The following SLCO2B1 variants were observed in gnomAD, a reference collection of about 807,000 sequenced individuals.
SLCO2B1 encodes the protein OATP-RP2.
Under a neutral mutation model 67.3 loss-of-function variants are expected in SLCO2B1, and 41 were observed. The ratio of observed to expected loss-of-function variants is 0.61; its 90% CI spans 0.47 to 0.79. The LOEUF (loss-of-function observed/expected upper bound fraction) is 0.79, where lower values mean the gene tolerates loss of function less well. Among genes scored for constraint, SLCO2B1 ranks in the 30% least tolerant of loss-of-function variants. The pLI is 0.00. For synonymous variants in SLCO2B1, 379 were observed against 381.4 expected, an observed-to-expected ratio of 0.99 and a Z score of 0.07; for missense variants, 837 against 920.1, an observed-to-expected ratio of 0.91 and a Z score of 1.17.
intron 6 of SLCO2B1, 192 bp downstream of exon 6, chr11:75,169,956 G>A (rs1383430109): frequency 5.2e-6 from 3 of 576,966 alleles, no homozygotes; most frequent in Non-Finnish European, 9.3e-6. Flanking sequence ...CTAAAGCTGT[G>A]ATCAGAGTCC....
Position 75,188,254 on chromosome 11 carries a change from C to G in SLCO2B1, c.1075+16C>G. ...TTCATTAAAGGTAAGTCAGCTCAGA[C>G]CAGGTTATGGGGAGCCAGGGCCAGA... On this transcript the variant is annotated intron_variant, in intron 8 of 13. Coordinates refer to ENST00000289575, the MANE Select transcript of SLCO2B1 (RefSeq NM_007256.5). 1 of 1,578,994 alleles carries G rather than the reference C, an allele frequency of 6.3e-7. No homozygotes were observed. Among genetic ancestry groups the G allele is most frequent in the East Asian group, 2.2e-5 (1 of 44,718 alleles).
chr11:75,203,198 C>T, intron 12 of SLCO2B1, 109 bp from the exon 13 acceptor site: 2 of 1,474,858 alleles, frequency 1.4e-6, no homozygotes, highest in Non-Finnish European at 1.8e-6. Context: ...GAGGGCCAGA[C>T]AGCCAAGAGG....
chr11:75,162,655 G>C lies in SLCO2B1; in HGVS notation c.17G>C (p.Gly6Ala), dbSNP rs151095859. The stretch of plus-strand genomic sequence containing the variant: ...CTTTCCCTGGTTTTCTGTCCCTCAG[G>C]GCCAGCGGGTGAGGTACCCCAGGTA... Reference protein sequence around the residue: MGPRIGPAGEVPQVPD... With the variant: MGPRIAPAGEVPQVPD... Residue 6 changes from glycine to alanine, a missense_variant and splice_region_variant, in exon 2 of 14, where the codon GGG becomes GCG. Physicochemically the swap from Gly to Ala is moderately conservative, Grantham distance 60. Coordinates refer to ENST00000289575, the MANE Select transcript of SLCO2B1 (RefSeq NM_007256.5). 606 of 1,612,948 alleles carry C rather than the reference G, an allele frequency of 3.8e-4. No individual in the cohort carries two copies. Among genetic ancestry groups the C allele is most frequent in the Non-Finnish European group, 4.8e-4 (568 of 1,179,622 alleles).
chr11:75,154,765 G>A (rs562655476), intron 1 of SLCO2B1, among the ~76,000 whole-genome samples: 11 of 152,332 alleles, frequency 7.2e-5, no homozygotes, highest in Non-Finnish European at 1.6e-4. Flanking sequence ...AGGGTCTCTG[G>A]TGCCAAAACA....
intron 8 of SLCO2B1, among the ~76,000 whole-genome samples, chr11:75,191,581 G>A (rs1238824933): frequency 1.3e-5 from 2 of 152,130 alleles, no homozygotes; most frequent in Non-Finnish European, 2.9e-5. Flanking sequence ...GGGGGCTAGG[G>A]AACCAGCTGG....
chr11:75,179,798 A>G (rs183727006), intron 7 of SLCO2B1, among the ~76,000 whole-genome samples: 72 of 141,540 alleles, frequency 5.1e-4, no homozygotes, highest in Middle Eastern at 9.9e-3. Context: ...GTGCAGTGGC[A>G]CAATCTTGGC....
intron 1 of SLCO2B1, among the ~76,000 whole-genome samples, chr11:75,162,146 C>A (rs1949828391): frequency 6.6e-6 from 1 of 152,048 alleles, no homozygotes; most frequent in Non-Finnish European, 1.5e-5. Flanking sequence ...TCCAATACAC[C>A]CCAGAAAAGC....
At chr11:75,185,503 T>TC (rs1944911550) in intron 7 of SLCO2B1, among the ~76,000 whole-genome samples, 2 of 136,658 alleles carry the variant, frequency 1.5e-5, no homozygotes, top group African/African-American at 2.8e-5. Flanking sequence ...ATAAGTCTCT[T>TC]TTTTTTTTTT....
chr11:75,189,003 A>C (rs1367097601), intron 8 of SLCO2B1, among the ~76,000 whole-genome samples: 1 of 152,158 alleles, frequency 6.6e-6, no homozygotes, highest in Non-Finnish European at 1.5e-5. Flanking sequence ...GGGCGAAGAG[A>C]GCTCTGGGCT....
intron 9 of SLCO2B1, among the ~76,000 whole-genome samples, chr11:75,195,904 C>G (rs1477573024): frequency 6.6e-6 from 1 of 152,154 alleles, no homozygotes; most frequent in Non-Finnish European, 1.5e-5. Context: ...CCTGCCCCTG[C>G]CCACCTTCAC....
At chr11:75,171,501 T>G (rs1949960431) in intron 6 of SLCO2B1, among the ~76,000 whole-genome samples, 1 of 152,174 alleles carries the variant, frequency 6.6e-6, no homozygotes, top group South Asian at 2.1e-4. Flanking sequence ...CTAATGAGTC[T>G]TCCACCTCAG....
rs938789487 is a variant in SLCO2B1, at chr11:75,193,335, T to C, written c.1193T>C (p.Leu398Pro). 5 of 1,614,180 alleles carry C rather than the reference T, an allele frequency of 3.1e-6. No individual in the cohort carries two copies. Among genetic ancestry groups the C allele is most frequent in the Non-Finnish European group, 4.2e-6 (5 of 1,180,038 alleles). The change falls in exon 9 of 14, where the codon CTG becomes CCG. Residue 398 changes from leucine (L) to proline (P), a missense_variant. Coordinates refer to ENST00000289575, the MANE Select transcript of SLCO2B1 (RefSeq NM_007256.5). This position sits in a 1 kb window ranked among gnomAD's most constrained non-coding sequence, Gnocchi z 4.2. ...AGMATFLPKF[L>P]ERQFSITASY... ...ATGGCCACCTTCCTGCCCAAGTTCC[T>C]GGAGCGCCAGTTTTCCATCACAGCC...
intron 10 of SLCO2B1, 125 bp downstream of exon 10, chr11:75,196,804 C>A: frequency 1.1e-6 from 1 of 889,304 alleles, no homozygotes. Context: ...CTGTCTCTCT[C>A]TGTTGGCAGA....
chr11:75,170,772 C>T (rs1035078032), intron 6 of SLCO2B1, among the ~76,000 whole-genome samples: 4 of 152,176 alleles, frequency 2.6e-5, no homozygotes, highest in African/African-American at 7.2e-5. Context: ...GCTCTGGCTG[C>T]GACCCCTCCC....
chr11:75,200,426 G>A, intron 11 of SLCO2B1, 39 bp downstream of exon 11: 4 of 1,542,332 alleles, frequency 2.6e-6, no homozygotes, highest in African/African-American at 2.7e-5. Context: ...TGGATACCAG[G>A]AGGTCCTTAA....
rs1454202260 is a variant in SLCO2B1, at chr11:75,204,400, G to C, written c.1950G>C (p.Arg650=). The change falls in exon 14 of 14, where the codon CGG becomes CGC. Residue 650 remains arginine (R), a splice_region_variant and synonymous_variant. Coordinates refer to ENST00000289575, the MANE Select transcript of SLCO2B1 (RefSeq NM_007256.5). Reference sequence around the variant, plus strand: ...TCAAGGGTCCCCATTCTTTCCCCAGGTTCATCGGCCTCCAGTTCTTCTTCA... The same window carrying C: ...TCAAGGGTCCCCATTCTTTCCCCAGCTTCATCGGCCTCCAGTTCTTCTTCA... ...RYYNNDLLRN[R]FIGLQFFFKT... 2.5e-6 allele frequency: 4 copies of C among 1,600,760 alleles called. No homozygotes were observed. The highest frequency in any genetic ancestry group is 1.1e-5 in the South Asian group (1 of 88,712).
chr11:75,196,432 C>T (rs531745642), intron 9 of SLCO2B1, 82 bp from the exon 10 acceptor site: 183 of 1,423,678 alleles, frequency 1.3e-4, no homozygotes, highest in Non-Finnish European at 1.6e-4. Flanking sequence ...CCATTGCTCT[C>T]GGCTACAGGG....
chr11:75,165,939 C>T lies in SLCO2B1; in HGVS notation c.438C>T (p.Asn146=). The change falls in exon 4 of 14, where the codon AAC becomes AAT. Residue 146 remains asparagine, a synonymous_variant. Coordinates refer to ENST00000289575, the MANE Select transcript of SLCO2B1 (RefSeq NM_007256.5). ...HFISEPYRYD[N]TSPEDMPQDF... is the part of the protein sequence containing the mutation. The stretch of plus-strand genomic sequence containing the variant: ...TCTCGGAGCCATACCGCTACGACAA[C>T]ACCAGCCCTGGTAAGAGCAGCAGGG... The T allele has an allele frequency of 6.2e-7, 1 of 1,613,910 alleles. No individual in the cohort carries two copies.
In SLCO2B1 at chr11:75,151,233, G is replaced by A; in HGVS notation, c.-149G>A. ...GTGGCCCAAGAAGAACTGACCCCGT[G>A]TCTGGAGCTCCCACCGTTATTGCAT... On this transcript the variant is annotated 5_prime_UTR_variant, in exon 1 of 14. Coordinates refer to ENST00000289575, the MANE Select transcript of SLCO2B1 (RefSeq NM_007256.5). 3.0e-6 allele frequency: 2 copies of A among 661,842 alleles called. No homozygotes were observed. The highest frequency in any genetic ancestry group is 2.7e-6 in the Non-Finnish European group (1 of 374,456). The allele number at this position is 661,842 out of a possible 1,614,324, so 41.0% of individuals were successfully genotyped here.
Sources: gnomAD v4.1 joint callset for allele counts (sites outside exome capture counted in the v4.1 genomes callset) on GRCh38, gnomAD v4.1.1 for gene constraint, Gnocchi (gnomAD v3.1) non-coding constraint, MANE v1.5 for transcripts, NCBI Gene and HGNC (gene_info 2026-07-23, HGNC 2026-07-21) for gene names.